The following ASIC5 variants were observed in gnomAD, a reference collection of about 807,000 sequenced individuals.
The protein encoded by ASIC5 is bile acid-sensitive ion channel.
A neutral mutation model predicts 51.2 loss-of-function variants in ASIC5; 52 were observed. That is an observed-to-expected ratio of 1.02 (90% confidence interval 0.81 to 1.28). The LOEUF (loss-of-function observed/expected upper bound fraction) is 1.28, where lower values mean the gene tolerates loss of function less well. ASIC5 is among the 50% of genes most tolerant of loss of function. The pLI is 0.00. For missense variants in ASIC5, 635 were observed against 595.0 expected, an observed-to-expected ratio of 1.07 and a Z score of -0.70; for synonymous variants, 231 against 200.7, an observed-to-expected ratio of 1.15 and a Z score of -1.28.
intron 4 of ASIC5, among the ~76,000 whole-genome samples, chr4:155,849,499 T>C (rs1360289757): frequency 1.3e-5 from 2 of 152,072 alleles, no homozygotes; most frequent in African/African-American, 4.8e-5. Flanking sequence ...CCTAACATGA[T>C]TTGTCTTTAG....
At chr4:155,858,624 C>T (rs1199902547) in intron 2 of ASIC5, among the ~76,000 whole-genome samples, 2 of 151,916 alleles carry the variant, frequency 1.3e-5, no homozygotes, top group East Asian at 3.9e-4. Flanking sequence ...CATGCTTTTT[C>T]CTAAGAGGGT....
chr4:155,848,295 TTA>T (rs530323997), intron 4 of ASIC5, among the ~76,000 whole-genome samples: 1 of 152,084 alleles, frequency 6.6e-6, no homozygotes, highest in Non-Finnish European at 1.5e-5. Flanking sequence ...AAATTATAAA[TTA>T]TGTCTTTTTC....
intron 7 of ASIC5, 137 bp downstream of exon 7, chr4:155,838,676 A>G: frequency 2.0e-6 from 1 of 503,476 alleles, no homozygotes; most frequent in Non-Finnish European, 3.5e-6. Flanking sequence ...CTATTTAAGA[A>G]CACTTACAAA....
chr4:155,850,365 C>G (rs1008747272), intron 4 of ASIC5, among the ~76,000 whole-genome samples: 1 of 151,974 alleles, frequency 6.6e-6, no homozygotes, highest in Non-Finnish European at 1.5e-5. Context: ...CAATGTATGT[C>G]TTAGATATAT....
In ASIC5 at chr4:155,830,025, C is replaced by A; in HGVS notation, c.1349G>T (p.Gly450Val). 6.4e-7 allele frequency: 1 copy of A among 1,555,096 alleles called. No individual in the cohort carries two copies. Residue 450 changes from glycine to valine, a missense_variant, in exon 10 of 10, where the codon GGT becomes GTT. Gly to Val is a moderately radical substitution (Grantham distance 109, BLOSUM62 -3). Transcript: ENST00000537611. ...GATCAGACTGGCCCCACAAAATAGACCCAGCTGACCACCAAGATCTGCTGT... is the reference window on the plus strand; with the variant it reads ...GATCAGACTGGCCCCACAAAATAGAACCAGCTGACCACCAAGATCTGCTGT... ...ELLADLGGQL[G>V]LFCGASLITI...
intron 4 of ASIC5, among the ~76,000 whole-genome samples, chr4:155,851,809 G>A (rs886838823): frequency 2.0e-5 from 3 of 151,916 alleles, no homozygotes; most frequent in Non-Finnish European, 4.4e-5. Context: ...AAATGTGTAT[G>A]TAGAGTTTCT....
intron 5 of ASIC5, 123 bp from the exon 6 acceptor site, chr4:155,842,477 T>C: frequency 1.2e-6 from 1 of 842,020 alleles, no homozygotes; most frequent in Non-Finnish European, 1.8e-6. Flanking sequence ...AAAACCAAAA[T>C]TGGTTACATT....
Position 155,829,875 on chromosome 4 carries a change from T to C in ASIC5, c.1499A>G (p.Asn500Ser), listed in dbSNP as rs759016557. 5.6e-6 allele frequency: 9 copies of C among 1,593,578 alleles called. No homozygotes were observed. The highest frequency in any genetic ancestry group is 7.7e-6 in the Non-Finnish European group (9 of 1,172,542). ...PPPQNHLGNK[N>S]RIEEC is the part of the protein sequence containing the mutation. The stretch of plus-strand genomic sequence containing the variant: ...TGACCATTAACACTCCTCTATCCTA[T>C]TTTTATTTCCCAGATGATTCTGAGG... Residue 500 changes from asparagine to serine, a missense_variant, in exon 10 of 10, where the codon AAT becomes AGT. Physicochemically the swap from Asn to Ser is conservative, Grantham distance 46 (BLOSUM62 1). Coordinates refer to ENST00000537611, the MANE Select transcript of ASIC5 (RefSeq NM_017419.3).
rs2086285014 is a variant in ASIC5 at position 155,842,312 on chromosome 4, T to A, written c.904A>T (p.Ile302Phe). The A allele has an allele frequency of 1.9e-6, 3 of 1,613,400 alleles. No homozygotes were observed. Among genetic ancestry groups the A allele is most frequent in the Non-Finnish European group, 2.5e-6 (3 of 1,179,648 alleles). ...EYPWGECNPNIKLQNFSSYST... is the reference protein window; with the variant it reads ...EYPWGECNPNFKLQNFSSYST... ...TAGCTGCTAAAATTCTGCAGCTTGA[T>A]GTTAGGATTGCATTCTCCCCAAGGG... The change falls in exon 6 of 10, where the codon ATC becomes TTC. Residue 302 changes from isoleucine to phenylalanine, a missense_variant. Coordinates refer to ENST00000537611, the MANE Select transcript of ASIC5 (RefSeq NM_017419.3).
chr4:155,843,661 C>T lies in ASIC5; in HGVS notation c.861+20G>A. On this transcript the variant is annotated intron_variant, in intron 5 of 9. Transcript: ENST00000537611. ...ATGCATTCACTACCCCACCTAATTT[C>T]CTCAGACTCGAGTATTTACCTTCAC... 6.2e-7 allele frequency: 1 copy of T among 1,612,228 alleles called. No individual in the cohort carries two copies. Among genetic ancestry groups the T allele is most frequent in the Non-Finnish European group, 8.5e-7 (1 of 1,178,946 alleles).
chr4:155,853,944 C>T, intron 3 of ASIC5, 133 bp downstream of exon 3: 1 of 676,814 alleles, frequency 1.5e-6, no homozygotes, highest in Middle Eastern at 3.1e-4. Flanking sequence ...TAAGGCTGAG[C>T]TAATGAAATA....
Sources: gnomAD v4.1 joint callset for allele counts (sites outside exome capture counted in the v4.1 genomes callset) on GRCh38, gnomAD v4.1.1 for gene constraint, MANE v1.5 for transcripts, NCBI Gene and HGNC (gene_info 2026-07-23, HGNC 2026-07-21) for gene names.